Variants in PTPRJ observed in about 807,000 individuals in gnomAD.
The protein encoded by PTPRJ is protein tyrosine phosphatase receptor type J.
A neutral mutation model predicts 141.3 loss-of-function variants in PTPRJ; 129 were observed. The observed-to-expected ratio is 0.91, with a 90% CI of 0.79 to 1.06. The LOEUF is 1.06. Among genes scored for constraint, PTPRJ ranks in the 50% least tolerant of loss-of-function variants. The pLI is 0.00. For synonymous variants in PTPRJ, 610 were observed against 640.5 expected, an observed-to-expected ratio of 0.95 and a Z score of 0.72; for missense variants, 1,601 against 1,679.7, an observed-to-expected ratio of 0.95 and a Z score of 0.82.
At chr11:48,077,165 C>T (rs536383733) in intron 1 of PTPRJ, among the ~76,000 whole-genome samples, 3 of 152,078 alleles carry the variant, frequency 2.0e-5, no homozygotes, top group Admixed American at 2.0e-4. Context: ...TGTGCCTGGC[C>T]AAGTCTTTTT....
intron 1 of PTPRJ, among the ~76,000 whole-genome samples, chr11:47,982,316 G>C (rs1024953094): frequency 6.6e-6 from 1 of 152,190 alleles, no homozygotes; most frequent in African/African-American, 2.4e-5. Flanking sequence ...TGCTCTTCAG[G>C]CTTCTCTACC....
chr11:48,087,940 G>A (rs1345266414), intron 1 of PTPRJ, among the ~76,000 whole-genome samples: 1 of 152,210 alleles, frequency 6.6e-6, no homozygotes, highest in Non-Finnish European at 1.5e-5. Flanking sequence ...CAAGGTCCCT[G>A]CATGTATGAT....
chr11:48,025,185 C>A (rs1268268118), intron 1 of PTPRJ, among the ~76,000 whole-genome samples: 18 of 152,078 alleles, frequency 1.2e-4, no homozygotes, highest in Admixed American at 1.1e-3. Context: ...AACTCAGAGG[C>A]CTTTCGGGCA....
chr11:48,054,138 T>C (rs1565279145), intron 1 of PTPRJ, among the ~76,000 whole-genome samples: 1 of 152,066 alleles, frequency 6.6e-6, no homozygotes, highest in African/African-American at 2.4e-5. Flanking sequence ...TTCACCATGT[T>C]GGCCAGGCTG....
intron 1 of PTPRJ, among the ~76,000 whole-genome samples, chr11:48,047,440 G>T (rs1854437506): frequency 6.6e-6 from 1 of 152,004 alleles, no homozygotes; most frequent in African/African-American, 2.4e-5. Context: ...TTAGGGTTAG[G>T]GTGAAAAGCT....
chr11:48,062,382 G>A (rs920013001), intron 1 of PTPRJ, among the ~76,000 whole-genome samples: 4 of 151,748 alleles, frequency 2.6e-5, no homozygotes, highest in Admixed American at 6.6e-5. Context: ...GCGTAGTGGC[G>A]GGCGCCTGTA....
intron 1 of PTPRJ, among the ~76,000 whole-genome samples, chr11:48,019,885 G>T (rs540148682): frequency 1.9e-4 from 29 of 152,212 alleles, no homozygotes; most frequent in African/African-American, 7.0e-4. Flanking sequence ...TTGGTACCCT[G>T]TTATATTTGC....
Position 48,062,665 on chromosome 11 carries a change from A to G in PTPRJ, c.97-47393A>G, listed in dbSNP as rs556457429. On this transcript the variant is annotated intron_variant, in intron 1 of 24. Transcript: ENST00000418331. Reference sequence around the variant, plus strand: ...AGAAAATTGCCTACGAGGTTGGACAAGGTGCTGGAGCAGCGTCAAGGAAGA... The same window carrying G: ...AGAAAATTGCCTACGAGGTTGGACAGGGTGCTGGAGCAGCGTCAAGGAAGA... Among the ~76,000 whole-genome samples, 30 of 152,342 alleles carry G rather than the reference A, an allele frequency of 2.0e-4. No homozygotes were observed. The East Asian group carries it at 5.8e-3, about 29-fold the overall frequency.
At chr11:47,984,983 C>T (rs1854010517) in intron 1 of PTPRJ, among the ~76,000 whole-genome samples, 1 of 151,316 alleles carries the variant, frequency 6.6e-6, no homozygotes, top group Non-Finnish European at 1.5e-5. Context: ...CTCCCAAGTA[C>T]CTGGGATTAC....
intron 1 of PTPRJ, among the ~76,000 whole-genome samples, chr11:48,082,442 G>T (rs11039512): frequency 0.044 from 6,399 of 146,244 alleles, 499 homozygotes; most frequent in African/African-American, 0.15. Flanking sequence ...GAGAGGCAGA[G>T]TCTTGCTCCG....
In PTPRJ at chr11:48,168,472, C is replaced by T. The variant is rs999281837; in HGVS notation, c.*1110C>T. On this transcript the variant is annotated 3_prime_UTR_variant, in exon 25 of 25. Transcript: ENST00000418331. Reference sequence around the variant, plus strand: ...TGAATTCAGTGTCAGATTAATCCCTCCTTCCCCAAAGTCCACTGGCTTTCG... The same window carrying T: ...TGAATTCAGTGTCAGATTAATCCCTTCTTCCCCAAAGTCCACTGGCTTTCG... 2.8e-5 allele frequency: 4 copies of T among 145,046 alleles called. No homozygotes were observed. Among genetic ancestry groups the T allele is most frequent in the African/African-American group, 1.0e-4 (4 of 38,850 alleles). 9.0% of individuals were successfully genotyped at this position (145,046 alleles called of 1,614,324 possible).
intron 3 of PTPRJ, among the ~76,000 whole-genome samples, 174 bp from the exon 4 acceptor site, chr11:48,120,829 A>G (rs964294977): frequency 2.0e-5 from 3 of 152,162 alleles, no homozygotes; most frequent in African/African-American, 7.2e-5. Context: ...ATACACACAT[A>G]CATGTATGCA....
chr11:47,996,752 AACTTTTGTCAGCCTCAGTGTCAGGG>A, intron 1 of PTPRJ, among the ~76,000 whole-genome samples: 1 of 152,220 alleles, frequency 6.6e-6, no homozygotes, highest in African/African-American at 2.4e-5. Context: ...GTGTTCAAAC[AACTTTTGTCAGCCTCAGTGTCAGGG>A]ACTTTTGTTG....
chr11:48,149,472 T>C lies in PTPRJ; in HGVS notation c.3025T>C (p.Ser1009Pro). 1 of 1,519,786 alleles carries C rather than the reference T, an allele frequency of 6.6e-7. No homozygotes were observed. The highest frequency in any genetic ancestry group is 9.0e-7 in the Non-Finnish European group (1 of 1,106,860). 94.1% of individuals were successfully genotyped at this position (1,519,786 alleles called of 1,614,324 possible). A position where few individuals can be genotyped will look rare whatever the true frequency, so the allele number is the denominator to read the frequency against. ...GAAAGATGCAAAGAATAATGAAGTGTCCTTTTCTCAAATTAAGTAAGTCTC... is the reference window on the plus strand; with the variant it reads ...GAAAGATGCAAAGAATAATGAAGTGCCCTTTTCTCAAATTAAGTAAGTCTC... ...KRKDAKNNEV[S>P]FSQIKPKKSK... is the part of the protein sequence containing the mutation. The change falls in exon 16 of 25, where the codon TCC becomes CCC. Residue 1009 changes from serine to proline, a missense_variant. By Grantham distance (74) the Ser-to-Pro change is moderately conservative. Transcript: ENST00000418331.
chr11:48,088,305 A>C (rs1291093418), intron 1 of PTPRJ, among the ~76,000 whole-genome samples: 2 of 152,222 alleles, frequency 1.3e-5, no homozygotes, highest in African/African-American at 4.8e-5. Context: ...AGTAGCAAGC[A>C]TGCAGACATT....
intron 1 of PTPRJ, among the ~76,000 whole-genome samples, chr11:48,087,838 CCTT>C (rs369110384): frequency 3.9e-4 from 60 of 152,348 alleles, no homozygotes; most frequent in African/African-American, 1.4e-3. Context: ...ATTTCCCCTT[CCTT>C]CTTCTCCCTG....
In PTPRJ at chr11:48,168,582, A is replaced by T. The variant is rs1983072; in HGVS notation, c.*1220A>T. 1.0e-5 allele frequency: 1 copy of T among 97,822 alleles called. No individual in the cohort carries two copies. Among genetic ancestry groups the T allele is most frequent in the Non-Finnish European group, 2.1e-5 (1 of 46,572 alleles). The allele number at this position is 97,822 out of a possible 1,614,324, so 6.1% of individuals were successfully genotyped here. On this transcript the variant is annotated 3_prime_UTR_variant, in exon 25 of 25. Transcript: ENST00000418331. ...TATATATATATATATATATATATAT[A>T]CACTAAGCTCTCAAAAACAGTCATT... is the stretch of plus-strand genomic sequence containing the variant.
At chr11:48,081,482 G>A (rs1461872717) in intron 1 of PTPRJ, among the ~76,000 whole-genome samples, 1 of 152,194 alleles carries the variant, frequency 6.6e-6, no homozygotes, top group Non-Finnish European at 1.5e-5. Flanking sequence ...GGGGCTGGCC[G>A]GACTTTGGGT....
chr11:48,039,349 A>AT (rs2134234096), intron 1 of PTPRJ, among the ~76,000 whole-genome samples: 1 of 151,840 alleles, frequency 6.6e-6, no homozygotes, highest in African/African-American at 2.4e-5. Flanking sequence ...AAAAAAAAAA[A>AT]CAACAAACTG....
Sources: gnomAD v4.1 joint callset for allele counts (sites outside exome capture counted in the v4.1 genomes callset) on GRCh38, gnomAD v4.1.1 for gene constraint, MANE v1.5 for transcripts, NCBI Gene and HGNC (gene_info 2026-07-23, HGNC 2026-07-21) for gene names.